Variants in WDPCP observed in about 807,000 individuals in gnomAD.
The protein encoded by WDPCP is WD repeat-containing and planar cell polarity effector protein fritz homolog.
WDPCP carries 71 observed loss-of-function variants against 93.1 expected under a neutral mutation model. That is an observed-to-expected ratio of 0.76 (90% CI 0.63 to 0.93). The LOEUF (loss-of-function observed/expected upper bound fraction) is 0.93, where lower values mean the gene tolerates loss of function less well. Among genes scored for constraint, WDPCP ranks in the 40% least tolerant of loss-of-function variants. WDPCP has a pLI of 0.00. For missense variants in WDPCP, 844 were observed against 887.4 expected (o/e 0.95, Z 0.62); for synonymous variants, 315 against 315.0 (o/e 1.00, Z 0.00).
At chr2:63,181,428 AGC>A (rs1266850370) in intron 14 of WDPCP, among the ~76,000 whole-genome samples, 2 of 152,142 alleles carry the variant, frequency 1.3e-5, no homozygotes, top group South Asian at 2.1e-4. Flanking sequence ...CAATTTTCCT[AGC>A]ACCACTTATT....
chr2:63,372,855 A>G (rs891666485), intron 12 of WDPCP, among the ~76,000 whole-genome samples: 2 of 152,090 alleles, frequency 1.3e-5, no homozygotes, highest in African/African-American at 4.8e-5. Context: ...TGGGCACGGT[A>G]GCTCACTTCT....
intron 17 of WDPCP, among the ~76,000 whole-genome samples, chr2:63,141,188 C>T (rs1220038356): frequency 6.6e-6 from 1 of 152,036 alleles, no homozygotes; most frequent in Non-Finnish European, 1.5e-5. Flanking sequence ...AAGCGATTCT[C>T]CTGTCTCAGC....
intron 14 of WDPCP, among the ~76,000 whole-genome samples, chr2:63,254,698 T>A (rs1680996103): frequency 6.6e-6 from 1 of 152,148 alleles, no homozygotes; most frequent in African/African-American, 2.4e-5. Flanking sequence ...ATTTTTAAGT[T>A]GTAGGAAGTG....
At chr2:63,388,035 A>G (rs1692889669) in intron 10 of WDPCP, among the ~76,000 whole-genome samples, 1 of 152,190 alleles carries the variant, frequency 6.6e-6, no homozygotes, top group Non-Finnish European at 1.5e-5. Flanking sequence ...TATCATTAAA[A>G]TGACTTTACT....
chr2:63,596,707 T>C (rs1709318638), intron 3 of WDPCP, among the ~76,000 whole-genome samples: 1 of 152,226 alleles, frequency 6.6e-6, no homozygotes, highest in Admixed American at 6.5e-5. Context: ...AAATGCTGAA[T>C]GTTGGTCATA....
upstream of WDPCP, chr2:63,588,539 C>G (rs1709043951): frequency 1.7e-6 from 1 of 585,480 alleles, no homozygotes; most frequent in African/African-American, 1.9e-5. Flanking sequence ...CGGGTCGATC[C>G]AGCTTTACGC....
chr2:63,564,802 G>C (rs1222300598), intron 1 of WDPCP, among the ~76,000 whole-genome samples: 1 of 136,228 alleles, frequency 7.3e-6, no homozygotes, highest in African/African-American at 2.8e-5. Context: ...TTTTGAGACA[G>C]AGTCTTGCTC....
At chr2:63,612,238 G>T (rs920891985) in intron 3 of WDPCP, among the ~76,000 whole-genome samples, 8 of 152,118 alleles carry the variant, frequency 5.3e-5, no homozygotes, top group Non-Finnish European at 1.5e-5. Flanking sequence ...TCTACGTTTT[G>T]ACTCCCTCAG....
intron 1 of WDPCP, among the ~76,000 whole-genome samples, chr2:63,527,594 C>T (rs1703448750): frequency 6.6e-6 from 1 of 151,902 alleles, no homozygotes; most frequent in African/African-American, 2.4e-5. Flanking sequence ...GTATATGTGC[C>T]ACATTTTCTT....
intron 6 of WDPCP, among the ~76,000 whole-genome samples, chr2:63,461,732 G>A (rs1365801882): frequency 6.6e-6 from 1 of 152,092 alleles, no homozygotes. Context: ...ATACATTCAT[G>A]TAGCTCCAAA....
intron 2 of WDPCP, among the ~76,000 whole-genome samples, chr2:63,707,026 G>A (rs1028816713): frequency 6.6e-5 from 10 of 152,210 alleles, no homozygotes; most frequent in African/African-American, 2.4e-4. Context: ...CCCTTTGTGG[G>A]TAACCCGACC....
At chr2:63,460,752 G>C (rs768789189) in intron 6 of WDPCP, among the ~76,000 whole-genome samples, 7 of 151,892 alleles carry the variant, frequency 4.6e-5, no homozygotes, top group Non-Finnish European at 7.4e-5. Context: ...TCAGCCTCCT[G>C]AGTTGCTGGG....
At chr2:63,785,833 T>C (rs1670458963) in intron 2 of WDPCP, among the ~76,000 whole-genome samples, 1 of 152,194 alleles carries the variant, frequency 6.6e-6, no homozygotes, top group South Asian at 2.1e-4. Flanking sequence ...AAAGATATTT[T>C]TTAAAAGACT....
At chr2:63,186,474 A>T (rs1358986254) in intron 14 of WDPCP, among the ~76,000 whole-genome samples, 1 of 152,222 alleles carries the variant, frequency 6.6e-6, no homozygotes, top group Non-Finnish European at 1.5e-5. Flanking sequence ...TGAGAAGAGC[A>T]TCCTCCTGTT....
At chr2:63,142,117 G>T (rs1410428119) in intron 17 of WDPCP, among the ~76,000 whole-genome samples, 2 of 151,826 alleles carry the variant, frequency 1.3e-5, no homozygotes, top group East Asian at 3.9e-4. Context: ...TGTATTTTTT[G>T]TTTGTTTCAA....
intron 1 of WDPCP, among the ~76,000 whole-genome samples, chr2:63,542,588 T>C (rs1704827830): frequency 6.6e-6 from 1 of 152,242 alleles, no homozygotes; most frequent in South Asian, 2.1e-4. Context: ...TTCCACAAAT[T>C]ATTTCTGTAA....
intron 1 of WDPCP, among the ~76,000 whole-genome samples, chr2:63,510,234 C>T (rs1440121777): frequency 1.3e-5 from 2 of 152,154 alleles, no homozygotes; most frequent in African/African-American, 4.8e-5. Flanking sequence ...TTATCCACCA[C>T]GATCAAGTCG....
chr2:63,123,935 A>C (rs1669718670), intron 17 of WDPCP, among the ~76,000 whole-genome samples: 1 of 150,854 alleles, frequency 6.6e-6, no homozygotes, highest in Non-Finnish European at 1.5e-5. Context: ...ATAACACTTC[A>C]AAACTTTTTA....
chr2:63,555,064 T>C (rs920426656), intron 1 of WDPCP, among the ~76,000 whole-genome samples: 28 of 152,268 alleles, frequency 1.8e-4, no homozygotes, highest in Non-Finnish European at 3.8e-4. Flanking sequence ...TACAGCCACT[T>C]GGCTGGAGAC....
Sources: allele counts gnomAD v4.1 joint callset (sites outside exome capture counted in the v4.1 genomes callset), GRCh38; gene constraint gnomAD v4.1.1; transcripts MANE v1.5; gene names NCBI Gene and HGNC (gene_info 2026-07-23, HGNC 2026-07-21).